The following TMEM63C variants were observed in gnomAD, a reference collection of about 807,000 sequenced individuals.
TMEM63C encodes osmosensitive cation channel TMEM63C.
TMEM63C carries 32 observed loss-of-function variants against 99.2 expected under a neutral mutation model. The ratio of observed to expected loss-of-function variants is 0.32; its 90% CI spans 0.24 to 0.43. The LOEUF is 0.43. Among genes scored for constraint, TMEM63C ranks in the 20% least tolerant of loss-of-function variants. The pLI is 1.00. For synonymous variants in TMEM63C, 376 were observed against 397.9 expected, an observed-to-expected ratio of 0.94 and a Z score of 0.66; for missense variants, 826 against 1,053.0, an observed-to-expected ratio of 0.78 and a Z score of 2.98.
At chr14:77,253,199 G>A in intron 22 of TMEM63C, 106 bp from the exon 23 acceptor site, 1 of 978,916 alleles carries the variant, frequency 1.0e-6, no homozygotes, top group Non-Finnish European at 1.6e-6. Flanking sequence ...GATGAGTTGA[G>A]TTCCAAGGTG....
chr14:77,235,839 TG>T (rs1267083633), intron 8 of TMEM63C, among the ~76,000 whole-genome samples: 1 of 154 alleles, frequency 6.5e-3, no homozygotes, highest in African/African-American at 0.045. Context: ...CTGTGGTGGG[TG>T]GGGGGTATGG....
At chr14:77,229,099 G>A (rs2140116855) in intron 6 of TMEM63C, among the ~76,000 whole-genome samples, 1 of 152,238 alleles carries the variant, frequency 6.6e-6, no homozygotes, top group African/African-American at 2.4e-5. Context: ...CAAGTAAAAT[G>A]AACACAACAA....
intron 6 of TMEM63C, among the ~76,000 whole-genome samples, chr14:77,228,032 C>CAGGTGG (rs1888862185): frequency 6.6e-6 from 1 of 151,898 alleles, no homozygotes; most frequent in Non-Finnish European, 1.5e-5. Context: ...GACGCAGGTG[C>CAGGTGG]ATGCAGAGAG....
At chr14:77,222,217 C>A (rs182586141) in intron 5 of TMEM63C, among the ~76,000 whole-genome samples, 1 of 152,322 alleles carries the variant, frequency 6.6e-6, no homozygotes, top group African/African-American at 2.4e-5. Context: ...ACCACACACC[C>A]ACCTGTTCCT....
chr14:77,239,749 G>A, intron 12 of TMEM63C, 23 bp downstream of exon 12: 2 of 1,611,074 alleles, frequency 1.2e-6, no homozygotes, highest in Non-Finnish European at 1.7e-6. Flanking sequence ...AGCGTTGGGA[G>A]CACAGCAAGG....
At chr14:77,251,959 G>C in intron 22 of TMEM63C, 61 bp downstream of exon 22, 1 of 1,350,188 alleles carries the variant, frequency 7.4e-7, no homozygotes. Context: ...ACAGCTGTAG[G>C]ATACTCTCCA....
chr14:77,209,647 G>C (rs896269354), intron 1 of TMEM63C, among the ~76,000 whole-genome samples: 1 of 152,190 alleles, frequency 6.6e-6, no homozygotes, highest in African/African-American at 2.4e-5. Flanking sequence ...TTCAGACAGG[G>C]CTGGTAATCT....
In TMEM63C at chr14:77,256,977, T is replaced by C. The variant is rs1889474450; in HGVS notation, c.*251T>C. Reference sequence around the variant, plus strand: ...GGAGGATACAGGCAAGCACATGTCTTGAGAGAGGTGGCTGGAGCCCCGGCA... The same window carrying C: ...GGAGGATACAGGCAAGCACATGTCTCGAGAGAGGTGGCTGGAGCCCCGGCA... On this transcript the variant is annotated 3_prime_UTR_variant, in exon 24 of 24. Transcript: ENST00000298351. The C allele has an allele frequency of 2.0e-6, 1 of 489,932 alleles. No homozygotes were observed. Among genetic ancestry groups the C allele is most frequent in the Non-Finnish European group, 3.7e-6 (1 of 273,964 alleles). The allele number at this position is 489,932 out of a possible 1,614,324, so 30.3% of individuals were successfully genotyped here.
In TMEM63C at chr14:77,246,644, A is replaced by G. The variant is rs756530586; in HGVS notation, c.1571A>G (p.Tyr524Cys). Residue 524 changes from tyrosine to cysteine, a missense_variant, in exon 18 of 24, where the codon TAC becomes TGC. Tyr to Cys is a radical substitution (Grantham distance 194). Transcript: ENST00000298351. ...DVFLRWLFDI[Y>C]YLEQASIRFQ... The stretch of plus-strand genomic sequence containing the variant: ...TTTCTCCGCTGGCTCTTTGACATCT[A>G]CTATCTAGAGCAAGCATCCATCAGG... 6.2e-7 allele frequency: 1 copy of G among 1,613,392 alleles called. No homozygotes were observed. The highest frequency in any genetic ancestry group is 1.1e-5 in the South Asian group (1 of 90,830).
chr14:77,256,769 G>A lies in TMEM63C; in HGVS notation c.*43G>A. 6.3e-7 allele frequency: 1 copy of A among 1,590,526 alleles called. No individual in the cohort carries two copies. The highest frequency in any genetic ancestry group is 8.6e-7 in the Non-Finnish European group (1 of 1,163,396). ...CACTGGCGACTTGTTGAGGGGTCAGGGGAGGGCCTGGCAAGGGGAGGCAGG... is the reference window on the plus strand; with the variant it reads ...CACTGGCGACTTGTTGAGGGGTCAGAGGAGGGCCTGGCAAGGGGAGGCAGG... On this transcript the variant is annotated 3_prime_UTR_variant, in exon 24 of 24. Coordinates refer to ENST00000298351, the MANE Select transcript of TMEM63C (RefSeq NM_020431.4).
At chr14:77,251,474 G>A (rs193016124) in intron 21 of TMEM63C, among the ~76,000 whole-genome samples, 1 of 152,324 alleles carries the variant, frequency 6.6e-6, no homozygotes. Flanking sequence ...GGCAGAAATA[G>A]TCACTCAAAG....
chr14:77,194,336 ATGTGTGTGTG>A (rs36201483), intron 1 of TMEM63C, among the ~76,000 whole-genome samples: 28,510 of 87,018 alleles, frequency 0.33, 3,284 homozygotes, highest in Admixed American at 0.39. Flanking sequence ...ATATATATAT[ATGTGTGTGTG>A]TGTGTGTGTG....
At chr14:77,226,142 G>A (rs186899804) in intron 6 of TMEM63C, among the ~76,000 whole-genome samples, 48 of 152,302 alleles carry the variant, frequency 3.2e-4, no homozygotes, top group African/African-American at 1.1e-3. Flanking sequence ...ACGTACACGT[G>A]TGCACACAGC....
chr14:77,192,779 C>T (rs1458535517), intron 1 of TMEM63C, among the ~76,000 whole-genome samples: 1 of 142,876 alleles, frequency 7.0e-6, no homozygotes, highest in Non-Finnish European at 1.5e-5. Flanking sequence ...AAGAATAAGA[C>T]AAAGACGAAG....
chr14:77,233,539 G>A (rs1888982606), intron 8 of TMEM63C, 39 bp downstream of exon 8: 1 of 1,607,772 alleles, frequency 6.2e-7, no homozygotes, highest in Non-Finnish European at 8.5e-7. Flanking sequence ...CATTGGCTGG[G>A]GGTGTTGGTG....
intron 1 of TMEM63C, among the ~76,000 whole-genome samples, chr14:77,192,505 A>G (rs936937633): frequency 2.0e-5 from 3 of 152,234 alleles, no homozygotes; most frequent in Admixed American, 2.0e-4. Context: ...ACATGACTTT[A>G]GGACAACTGT....
chr14:77,228,941 G>T (rs1036061167), intron 6 of TMEM63C, among the ~76,000 whole-genome samples: 24 of 152,228 alleles, frequency 1.6e-4, no homozygotes, highest in African/African-American at 5.1e-4. Flanking sequence ...CACCAGTGGA[G>T]TGGGGAGGCC....
chr14:77,204,660 C>T (rs1304054565), intron 1 of TMEM63C, among the ~76,000 whole-genome samples: 1 of 152,184 alleles, frequency 6.6e-6, no homozygotes, highest in Non-Finnish European at 1.5e-5. Flanking sequence ...CTACGTCATC[C>T]CGTAAACAAC....
In TMEM63C at chr14:77,242,909, C is replaced by G. The variant is rs1196774404; in HGVS notation, c.1194C>G (p.His398Gln). Reference protein sequence around the residue: ...APHPKDIIWKHLSVRRFFWWA... With the variant: ...APHPKDIIWKQLSVRRFFWWA... ...TTCTTCCATCCTTCCCCAGGAAACACCTGTCTGTCCGCCGCTTCTTTTGGT... is the reference window on the plus strand; with the variant it reads ...TTCTTCCATCCTTCCCCAGGAAACAGCTGTCTGTCCGCCGCTTCTTTTGGT... Residue 398 changes from histidine (H) to glutamine (Q), a missense_variant, in exon 15 of 24, where the codon CAC becomes CAG. By Grantham distance (24) the His-to-Gln change is conservative (BLOSUM62 0). Coordinates refer to ENST00000298351, the MANE Select transcript of TMEM63C (RefSeq NM_020431.4). The G allele has an allele frequency of 2.5e-6, 4 of 1,614,044 alleles. No homozygotes were observed. The South Asian group carries it at 4.4e-5, about 18-fold the overall frequency.
Sources: gnomAD v4.1 joint callset for allele counts (sites outside exome capture counted in the v4.1 genomes callset) on GRCh38, gnomAD v4.1.1 for gene constraint, MANE v1.5 for transcripts, NCBI Gene and HGNC (gene_info 2026-07-23, HGNC 2026-07-21) for gene names.